Variants in ADCY7 observed in about 807,000 individuals in gnomAD.
The protein encoded by ADCY7 is adenylate cyclase 7.
Under a neutral mutation model 120.6 loss-of-function variants are expected in ADCY7, and 72 were observed. The ratio of observed to expected loss-of-function variants is 0.60; its 90% confidence interval spans 0.49 to 0.73. ADCY7 has a LOEUF of 0.73. Ranked by LOEUF, ADCY7 falls within the 30% of genes least tolerant of loss-of-function variation. ADCY7 has a pLI of 0.00. For synonymous variants in ADCY7, 661 were observed against 628.0 expected (o/e 1.05, Z -0.78); for missense variants, 1,227 against 1,486.0 (o/e 0.83, Z 2.87).
chr16:50,310,688 A>G lies in ADCY7; in HGVS notation c.2162A>G (p.Tyr721Cys). 6.2e-7 allele frequency: 1 copy of G among 1,613,632 alleles called. No homozygotes were observed. The highest frequency in any genetic ancestry group is 1.7e-4 in the Middle Eastern group (1 of 6,046). ...CTGAGTGACACCCTGCCCCCTCAGT[A>G]CTACACCTGCAGCTGTGTCCTGGGC... ...KTRALCEPLPYYTCSCVLGFI... is the reference protein window; with the variant it reads ...KTRALCEPLPCYTCSCVLGFI... Residue 721 changes from tyrosine to cysteine, a missense_variant and splice_region_variant, in exon 19 of 26, where the codon TAC becomes TGC. Tyr to Cys is a radical substitution (Grantham distance 194). Coordinates refer to ENST00000673801, the MANE Select transcript of ADCY7 (RefSeq NM_001114.5).
chr16:50,312,837 T>TCC (rs3214383), intron 21 of ADCY7, 53 bp from the exon 22 acceptor site: 1,373,213 of 1,590,230 alleles, frequency 0.86, 599,003 homozygotes, highest in Middle Eastern at 0.93. Context: ...TTGCCACTCT[T>TCC]CCTGTCCCCT....
rs199527146 is a variant in ADCY7, at chr16:50,310,727, C to G, written c.2201C>G (p.Ser734Trp). ...CSCVLGFIAC[S>W]VFLRMSLEPK... ...TGTGTCCTGGGCTTCATCGCCTGCT[C>G]GGTCTTCCTGAGGATGAGCCTGGAG... The change falls in exon 19 of 26, where the codon TCG (serine) becomes TGG (tryptophan). Residue 734 changes from serine (S) to tryptophan (W), a missense_variant. Transcript: ENST00000673801. 6.2e-7 allele frequency: 1 copy of G among 1,614,092 alleles called. No individual in the cohort carries two copies. The highest frequency in any genetic ancestry group is 8.5e-7 in the Non-Finnish European group (1 of 1,179,994).
intron 1 of ADCY7, among the ~76,000 whole-genome samples, chr16:50,285,762 C>G (rs965758541): frequency 1.3e-5 from 2 of 152,232 alleles, no homozygotes; most frequent in African/African-American, 2.4e-5. Context: ...GTCCCCAAGT[C>G]CCCATTGCTG....
At chr16:50,310,320 G>A in intron 18 of ADCY7, 1 of 753,480 alleles carries the variant, frequency 1.3e-6, no homozygotes, top group Middle Eastern at 3.6e-4. Flanking sequence ...TATTCTGGGG[G>A]CTGGGGAGCC....
intron 7 of ADCY7, among the ~76,000 whole-genome samples, chr16:50,296,968 G>A (rs570673680): frequency 6.6e-6 from 1 of 152,364 alleles, no homozygotes; most frequent in South Asian, 2.1e-4. Flanking sequence ...GGGAGCCCCA[G>A]AGGTTGGGCC....
intron 1 of ADCY7, among the ~76,000 whole-genome samples, chr16:50,276,457 C>T (rs1241475105): frequency 6.6e-6 from 1 of 152,202 alleles, no homozygotes; most frequent in East Asian, 1.9e-4. Flanking sequence ...AGGGGTGGCT[C>T]AGTACACTGC....
chr16:50,299,031 A>G lies in ADCY7; in HGVS notation c.1076A>G (p.Lys359Arg), dbSNP rs2035540191. The change falls in exon 8 of 26, where the codon AAG (lysine) becomes AGG (arginine). Residue 359 changes from lysine to arginine, a missense_variant and splice_region_variant. Physicochemically the swap from Lys to Arg is conservative, Grantham distance 26. Coordinates refer to ENST00000673801, the MANE Select transcript of ADCY7 (RefSeq NM_001114.5). ...GGGCTGGACATGTGCCAGGCCATCA[A>G]GTAGGTCCTGGGCGGGCCCAGGCCC... ...KMGLDMCQAI[K>R]QVREATGVDI... The G allele has an allele frequency of 6.2e-7, 1 of 1,609,604 alleles. No homozygotes were observed. Among genetic ancestry groups the G allele is most frequent in the Admixed American group, 1.7e-5 (1 of 59,948 alleles).
intron 1 of ADCY7, among the ~76,000 whole-genome samples, chr16:50,252,085 C>T (rs980563340): frequency 7.2e-5 from 11 of 152,148 alleles, no homozygotes; most frequent in South Asian, 2.1e-4. Flanking sequence ...CGGGGTGGCT[C>T]GCTGACCACG....
intron 1 of ADCY7, among the ~76,000 whole-genome samples, chr16:50,281,623 C>T (rs2150905360): frequency 6.6e-6 from 1 of 152,316 alleles, no homozygotes; most frequent in South Asian, 2.1e-4. Flanking sequence ...GACAGTTTGG[C>T]AAGTCAGGGG....
rs556863691 is a variant in ADCY7 at position 50,310,357 on chromosome 16, G to A, written c.2161-330G>A. The stretch of plus-strand genomic sequence containing the variant: ...CAGCACAATCTTGAGCAGGGCAGAG[G>A]TCCTTTGGGAGGGTAAGCTCACAAA... On this transcript the variant is annotated intron_variant, in intron 18 of 25. Coordinates refer to ENST00000673801, the MANE Select transcript of ADCY7 (RefSeq NM_001114.5). The A allele has an allele frequency of 2.6e-4, 281 of 1,064,874 alleles. 8 individuals are homozygous for A. The South Asian group carries it at 3.7e-3, about 14-fold the overall frequency. The allele number at this position is 1,064,874 out of a possible 1,614,324, so 66.0% of individuals were successfully genotyped here.
At chr16:50,299,691 G>C (rs2035589852) in intron 8 of ADCY7, among the ~76,000 whole-genome samples, 1 of 152,244 alleles carries the variant, frequency 6.6e-6, no homozygotes, top group African/African-American at 2.4e-5. Context: ...AAGAAGCCTG[G>C]GCAGAGCTGG....
chr16:50,309,774 C>A (rs2036330372), intron 18 of ADCY7, 128 bp downstream of exon 18: 2 of 831,796 alleles, frequency 2.4e-6, no homozygotes, highest in East Asian at 2.7e-5. Flanking sequence ...CTGAGAACAG[C>A]CTCTCCTGCA....
chr16:50,288,048 C>A lies in ADCY7; in HGVS notation c.-132C>A. 1.8e-6 allele frequency: 2 copies of A among 1,135,498 alleles called. No homozygotes were observed. Among genetic ancestry groups the A allele is most frequent in the Non-Finnish European group, 2.4e-6 (2 of 828,934 alleles). 70.3% of individuals were successfully genotyped at this position (1,135,498 alleles called of 1,614,324 possible). ...AGCAGCAGGCCCAGAGGCCCTCTCCCCAGCCCTGCTTGCCTGCCTCGGAGA... is the reference window on the plus strand; with the variant it reads ...AGCAGCAGGCCCAGAGGCCCTCTCCACAGCCCTGCTTGCCTGCCTCGGAGA... On this transcript the variant is annotated 5_prime_UTR_variant, in exon 2 of 26. Transcript: ENST00000673801.
upstream of ADCY7, among the ~76,000 whole-genome samples, chr16:50,266,333 T>C (rs914181024): frequency 6.6e-6 from 1 of 152,338 alleles, no homozygotes; most frequent in Admixed American, 6.5e-5. Context: ...TTTTTCAAAA[T>C]TGTTCCAGCT....
intron 1 of ADCY7, among the ~76,000 whole-genome samples, chr16:50,277,816 A>G (rs1400957464): frequency 4.0e-5 from 6 of 151,492 alleles, no homozygotes. Context: ...GACTACAGGC[A>G]CCCGCCACCA....
At chr16:50,296,935 G>A (rs1448171567) in intron 7 of ADCY7, among the ~76,000 whole-genome samples, 2 of 152,244 alleles carry the variant, frequency 1.3e-5, no homozygotes, top group Admixed American at 6.5e-5. Flanking sequence ...TTCAGGATCT[G>A]CATGGCTTCT....
In ADCY7 at chr16:50,290,579, G is replaced by A; in HGVS notation, c.294G>A (p.Leu98=). The part of the protein sequence containing the change: ...LLRRWLRALA[L]LTWACLVALG... ...GGCGCTGGCTCAGGGCCTTGGCGCT[G>A]CTCACCTGGGCCTGCTTGGTGGCGC... Residue 98 remains leucine, a synonymous_variant, in exon 3 of 26, where the codon CTG becomes CTA. Transcript: ENST00000673801. The A allele has an allele frequency of 1.9e-6, 3 of 1,614,178 alleles. No homozygotes were observed. The highest frequency in any genetic ancestry group is 1.7e-6 in the Non-Finnish European group (2 of 1,180,038).
intron 1 of ADCY7, among the ~76,000 whole-genome samples, chr16:50,286,577 A>C (rs1459199098): frequency 6.6e-6 from 1 of 152,048 alleles, no homozygotes; most frequent in African/African-American, 2.4e-5. Flanking sequence ...GGCCTGATGC[A>C]TGTCCCCAAA....
chr16:50,317,715 CTTG>C lies in ADCY7; in HGVS notation c.*2213_*2215del, dbSNP rs199909358. On this transcript the variant is annotated 3_prime_UTR_variant, in exon 26 of 26. Transcript: ENST00000673801. Reference sequence around the variant, plus strand: ...CCTGCAGGTATTTTCTTTTTATGAACTTGTTTTTAAATTACCAAGTAATTACTG... The same window carrying C: ...CCTGCAGGTATTTTCTTTTTATGAACTTTTTAAATTACCAAGTAATTACTG... The C allele has an allele frequency of 6.6e-6, 1 of 152,256 alleles. No homozygotes were observed. The highest frequency in any genetic ancestry group is 2.4e-5 in the African/African-American group (1 of 41,406). The allele number at this position is 152,256 out of a possible 1,614,324, so 9.4% of individuals were successfully genotyped here.
Sources: allele counts gnomAD v4.1 joint callset (sites outside exome capture counted in the v4.1 genomes callset), GRCh38; gene constraint gnomAD v4.1.1; transcripts MANE v1.5; gene names NCBI Gene and HGNC (gene_info 2026-07-23, HGNC 2026-07-21).